BID: variants seen among roughly 807,000 people sequenced by gnomAD.
The protein encoded by BID is BH3-interacting domain death agonist.
In BID, 19 loss-of-function variants were observed where a neutral mutation model predicts 17.4. The ratio of observed to expected loss-of-function variants is 1.09; its 90% CI spans 0.76 to 1.60. The LOEUF is 1.60. Among genes scored for constraint, BID ranks in the 40% most tolerant of loss-of-function variants. The probability of loss-of-function intolerance (pLI) is 0.00; values close to 1 mark genes in which losing one functional copy is unlikely to be tolerated. For missense variants in BID, 226 were observed against 256.0 expected (o/e 0.88, Z 0.80); for synonymous variants, 108 against 102.8 (o/e 1.05, Z -0.31).
chr22:17,770,270 A>G (rs1194731921), intron 1 of BID, among the ~76,000 whole-genome samples: 1 of 152,146 alleles, frequency 6.6e-6, no homozygotes, highest in Non-Finnish European at 1.5e-5. Context: ...TGGACAGGTC[A>G]TGTCGGGCTT....
chr22:17,739,226 G>A, intron 4 of BID, 123 bp downstream of exon 4: 1 of 1,297,530 alleles, frequency 7.7e-7, no homozygotes, highest in South Asian at 1.6e-5. Context: ...CTTCGTCAGA[G>A]TTCTGGACCT....
Position 17,744,003 on chromosome 22 carries a change from C to T in BID, c.23G>A (p.Gly8Asp), listed in dbSNP as rs1196785035. 6.2e-7 allele frequency: 1 copy of T among 1,613,554 alleles called. No individual in the cohort carries two copies. The highest frequency in any genetic ancestry group is 1.7e-5 in the Admixed American group (1 of 59,984). Residue 8 changes from glycine to aspartate, a missense_variant, in exon 3 of 6, where the codon GGT (glycine) becomes GAT (aspartate). Physicochemically the swap from Gly to Asp is moderately conservative, Grantham distance 94. Coordinates refer to ENST00000622694, the MANE Select transcript of BID (RefSeq NM_001196.4). MDCEVNNGSSLRDECITN... is the reference protein window; with the variant it reads MDCEVNNDSSLRDECITN... The stretch of plus-strand genomic sequence containing the variant: ...GATGCACTCATCCCTGAGGCTGGAA[C>T]CGTTGTTGACCTGAGGGGAAAGGGG...
chr22:17,736,457 CAA>C (rs10559377), intron 5 of BID, among the ~76,000 whole-genome samples: 15,037 of 136,314 alleles, frequency 0.11, 951 homozygotes, highest in East Asian at 0.3. Context: ...AATTCTGTCT[CAA>C]AAAAAAAAAA....
rs1386033976 is a variant in BID, at chr22:17,771,150, A to T, written c.-59+3231T>A. 3.3e-5 allele frequency among the ~76,000 whole-genome samples: 5 copies of T among 152,106 alleles called. No homozygotes were observed. The South Asian group carries it at 1.0e-3, about 32-fold the overall frequency. ...AGTCTCGCTCTGTCCCCCAGGCTGG[A>T]GTGCAGTGGCGCGATCTCGGCTCAC... On this transcript the variant is annotated intron_variant, in intron 1 of 5. Transcript: ENST00000622694.
rs115314135 is a variant in BID at position 17,766,042 on chromosome 22, C to A, written c.-59+8339G>T. 2.0e-3 allele frequency among the ~76,000 whole-genome samples: 297 copies of A among 152,282 alleles called. 1 individual carries two copies. The highest frequency in any genetic ancestry group is 5.2e-3 in the South Asian group (25 of 4,828). On this transcript the variant is annotated intron_variant, in intron 1 of 5. Coordinates refer to ENST00000622694, the MANE Select transcript of BID (RefSeq NM_001196.4). ...CTCCCGGGCTCAGGCGATCCTCCCC[C>A]CTCAGCCTCCAGAGCCGGGACTACA...
At chr22:17,748,295 G>T (rs1262314466) in intron 2 of BID, among the ~76,000 whole-genome samples, 1 of 149,738 alleles carries the variant, frequency 6.7e-6, no homozygotes, top group Non-Finnish European at 1.5e-5. Context: ...GGATCACGAG[G>T]TCAGGAGATC....
intron 5 of BID, among the ~76,000 whole-genome samples, chr22:17,735,795 C>CA (rs1245920656): frequency 6.6e-6 from 1 of 152,168 alleles, no homozygotes; most frequent in African/African-American, 2.4e-5. Flanking sequence ...GGTGGGTATT[C>CA]ACATCTCCAA....
intron 1 of BID, among the ~76,000 whole-genome samples, chr22:17,752,908 GC>G (rs1424952072): frequency 6.7e-6 from 1 of 148,554 alleles, no homozygotes; most frequent in Admixed American, 6.8e-5. Context: ...CTCGTGATCC[GC>G]CCGTCTTGGC....
At chr22:17,744,380 G>T (rs569391429) in intron 2 of BID, among the ~76,000 whole-genome samples, 2 of 152,240 alleles carry the variant, frequency 1.3e-5, no homozygotes, top group Admixed American at 1.3e-4. Flanking sequence ...GCCATCCTGT[G>T]CTGGCACGCT....
intron 2 of BID, among the ~76,000 whole-genome samples, chr22:17,744,944 T>C (rs1054780141): frequency 1.3e-5 from 2 of 152,228 alleles, no homozygotes; most frequent in Non-Finnish European, 2.9e-5. Flanking sequence ...GGAGGGAAGA[T>C]GGAAGTGTAG....
intron 3 of BID, among the ~76,000 whole-genome samples, chr22:17,742,024 C>A (rs1017309924): frequency 1.3e-5 from 2 of 152,344 alleles, no homozygotes; most frequent in African/African-American, 4.8e-5. Context: ...ACGGACACGT[C>A]CTCTCTCCCT....
intron 3 of BID, chr22:17,740,432 CT>C (rs34005803): frequency 0.56 from 162,527 of 291,692 alleles, 33,266 homozygotes; most frequent in East Asian, 0.67. Flanking sequence ...CTACAAGAAA[CT>C]TTTTTTTTTT....
intron 2 of BID, among the ~76,000 whole-genome samples, chr22:17,749,642 A>T (rs1366723524): frequency 6.6e-6 from 1 of 152,200 alleles, no homozygotes; most frequent in East Asian, 1.9e-4. Context: ...GAATTATATG[A>T]AGTGCTTATC....
chr22:17,743,006 G>A (rs1286452890), intron 3 of BID, among the ~76,000 whole-genome samples: 1 of 152,242 alleles, frequency 6.6e-6, no homozygotes, highest in Non-Finnish European at 1.5e-5. Context: ...CCCTACAGTG[G>A]GAGGGCGGCT....
At chr22:17,741,469 C>CA (rs1458306433) in intron 3 of BID, among the ~76,000 whole-genome samples, 1 of 147,706 alleles carries the variant, frequency 6.8e-6, no homozygotes, top group Non-Finnish European at 1.5e-5. Context: ...CTCACTGTAG[C>CA]TTTTTTTTTT....
rs944287612 is a variant in BID at position 17,751,893 on chromosome 22, A to G, written c.-58-1719T>C. On this transcript the variant is annotated intron_variant, in intron 1 of 5. Coordinates refer to ENST00000622694, the MANE Select transcript of BID (RefSeq NM_001196.4). ...AGAGGAAGGGGAGTCTGCACCCACA[A>G]GAGACAAAGCGCAAGACAGACCCCA... 8.5e-5 allele frequency among the ~76,000 whole-genome samples: 13 copies of G among 152,336 alleles called. No homozygotes were observed. The East Asian group carries it at 2.5e-3, about 29-fold the overall frequency.
In BID at chr22:17,734,150, G is replaced by A. The variant is rs1196657166; in HGVS notation, c.*1430C>T. 1.3e-5 allele frequency: 2 copies of A among 152,228 alleles called. No homozygotes were observed. Among genetic ancestry groups the A allele is most frequent in the African/African-American group, 2.4e-5 (1 of 41,452 alleles). The allele number at this position is 152,228 out of a possible 1,614,324, so 9.4% of individuals were successfully genotyped here. A position where few individuals can be genotyped will look rare whatever the true frequency, so the allele number is the denominator to read the frequency against. ...AAAACATGAAAAGTCGTAGTGTTAGGAAGATTTATTTCCAAACAGTGGCCT... is the reference window on the plus strand; with the variant it reads ...AAAACATGAAAAGTCGTAGTGTTAGAAAGATTTATTTCCAAACAGTGGCCT... On this transcript the variant is annotated 3_prime_UTR_variant, in exon 6 of 6. Coordinates refer to ENST00000622694, the MANE Select transcript of BID (RefSeq NM_001196.4).
intron 1 of BID, among the ~76,000 whole-genome samples, chr22:17,762,743 C>A (rs953923764): frequency 1.7e-4 from 25 of 149,766 alleles, no homozygotes; most frequent in Non-Finnish European, 2.9e-4. Flanking sequence ...AGTTTTAATT[C>A]TAACACAGAA....
chr22:17,771,108 CT>C (rs893677077), intron 1 of BID, among the ~76,000 whole-genome samples: 1 of 151,702 alleles, frequency 6.6e-6, no homozygotes, highest in Non-Finnish European at 1.5e-5. Flanking sequence ...CTTTCCCCCA[CT>C]TTTTTTTTGA....
Sources: allele counts gnomAD v4.1 joint callset (sites outside exome capture counted in the v4.1 genomes callset), GRCh38; gene constraint gnomAD v4.1.1; transcripts MANE v1.5; gene names NCBI Gene and HGNC (gene_info 2026-07-23, HGNC 2026-07-21).